Variants in ACTR3C observed in about 807,000 individuals in gnomAD.
ACTR3C encodes the protein actin related protein 3C, also known as actin-related protein 3C.
A neutral mutation model predicts 26.3 loss-of-function variants in ACTR3C; 18 were observed. That is an observed-to-expected ratio of 0.68 (90% CI 0.47 to 1.01). ACTR3C has a LOEUF of 1.01. Among genes scored for constraint, ACTR3C ranks in the 50% least tolerant of loss-of-function variants. ACTR3C has a pLI of 0.00. For synonymous variants in ACTR3C, 55 were observed against 94.5 expected, an observed-to-expected ratio of 0.58 and a Z score of 2.42; for missense variants, 184 against 250.7, an observed-to-expected ratio of 0.73 and a Z score of 1.80.
chr7:149,919,813 G>T, the ACTR3C span, among the ~76,000 whole-genome samples: 1 of 151,476 alleles, frequency 6.6e-6, no homozygotes, highest in Non-Finnish European at 1.5e-5. Flanking sequence ...GGTATACAAA[G>T]TCTGTTTTTA....
chr7:149,919,132 C>CA, the ACTR3C span, among the ~76,000 whole-genome samples: 1 of 147,790 alleles, frequency 6.8e-6, no homozygotes, highest in Non-Finnish European at 1.5e-5. Flanking sequence ...TTAAATAAAC[C>CA]AAAAAAATAA....
chr7:150,246,827 T>C (rs1478949457), downstream of ACTR3C: 2 of 152,256 alleles, frequency 1.3e-5, no homozygotes, highest in Non-Finnish European at 2.9e-5. Context: ...AGTTTCACTC[T>C]TGCTGCCCAG....
At chr7:150,204,179 G>A in the ACTR3C span, among the ~76,000 whole-genome samples, 1 of 147,234 alleles carries the variant, frequency 6.8e-6, no homozygotes, top group Non-Finnish European at 1.5e-5. Context: ...CCTGAAACGG[G>A]TGCTTTGGAG....
chr7:150,277,815 A>C (rs1835006075), intron 6 of ACTR3C, among the ~76,000 whole-genome samples: 1 of 152,138 alleles, frequency 6.6e-6, no homozygotes, highest in Non-Finnish European at 1.5e-5. Context: ...GCGTGGTTCT[A>C]CAGTGGCCTT....
chr7:149,935,637 C>T, the ACTR3C span, among the ~76,000 whole-genome samples: 3,384 of 131,886 alleles, frequency 0.026, 173 homozygotes, highest in African/African-American at 0.09. Context: ...CCTGACCTCA[C>T]GTGATCCACC....
At chr7:150,040,215 T>A in the ACTR3C span, among the ~76,000 whole-genome samples, 1,498 of 147,136 alleles carry the variant, frequency 0.01, 77 homozygotes, top group African/African-American at 0.033. Flanking sequence ...CAAGGCCCTC[T>A]AATAGGGGGG....
chr7:149,903,976 G>A, the ACTR3C span, among the ~76,000 whole-genome samples: 5 of 112,530 alleles, frequency 4.4e-5, no homozygotes, highest in Non-Finnish European at 6.5e-5. Context: ...GCTGGAGTGC[G>A]GTGACGCAAT....
At chr7:149,915,068 C>T in the ACTR3C span, among the ~76,000 whole-genome samples, 3 of 151,964 alleles carry the variant, frequency 2.0e-5, no homozygotes, top group Admixed American at 6.6e-5. Flanking sequence ...TTAGTAAAAA[C>T]GGGGTTTCAC....
At chr7:149,938,885 G>A in the ACTR3C span, among the ~76,000 whole-genome samples, 1 of 148,718 alleles carries the variant, frequency 6.7e-6, no homozygotes, top group Non-Finnish European at 1.5e-5. Flanking sequence ...ATTACAGTAG[G>A]AAAGCAATGC....
the ACTR3C span, among the ~76,000 whole-genome samples, chr7:150,131,234 G>C: frequency 6.6e-6 from 1 of 151,812 alleles, no homozygotes; most frequent in African/African-American, 2.4e-5. Context: ...CAATCTCAGG[G>C]GAAAGTCCAG....
At chr7:149,883,131 G>C in the ACTR3C span, among the ~76,000 whole-genome samples, 1 of 152,198 alleles carries the variant, frequency 6.6e-6, no homozygotes, top group Non-Finnish European at 1.5e-5. Flanking sequence ...GTCAGGTGTT[G>C]GTAGGAACAA....
chr7:149,906,702 G>T, the ACTR3C span, among the ~76,000 whole-genome samples: 1 of 132,598 alleles, frequency 7.5e-6, no homozygotes, highest in African/African-American at 2.9e-5. Flanking sequence ...AAAGTGTTAG[G>T]ATTACAGGCG....
At chr7:149,938,827 G>A in the ACTR3C span, among the ~76,000 whole-genome samples, 1 of 151,152 alleles carries the variant, frequency 6.6e-6, no homozygotes, top group Non-Finnish European at 1.5e-5. Context: ...GAGTATGGGG[G>A]AAGGTGAAAT....
chr7:149,995,596 A>G, the ACTR3C span, among the ~76,000 whole-genome samples: 1 of 152,284 alleles, frequency 6.6e-6, no homozygotes, highest in African/African-American at 2.4e-5. Context: ...AATTAAGCAC[A>G]GGATGAGGCT....
the ACTR3C span, among the ~76,000 whole-genome samples, chr7:150,220,707 G>C: frequency 1.3e-5 from 2 of 152,274 alleles, no homozygotes; most frequent in African/African-American, 4.8e-5. Context: ...CTGCGCAAGG[G>C]GTGGGGAAAC....
chr7:149,915,068 C>CG, the ACTR3C span, among the ~76,000 whole-genome samples: 1 of 151,964 alleles, frequency 6.6e-6, no homozygotes, highest in Non-Finnish European at 1.5e-5. Flanking sequence ...TTAGTAAAAA[C>CG]GGGGTTTCAC....
At chr7:149,960,332 G>T in the ACTR3C span, among the ~76,000 whole-genome samples, 1 of 152,260 alleles carries the variant, frequency 6.6e-6, no homozygotes, top group East Asian at 1.9e-4. Flanking sequence ...GTCTGAAAAT[G>T]TACTGACAAC....
the ACTR3C span, among the ~76,000 whole-genome samples, chr7:149,948,456 C>T: frequency 2.0e-3 from 309 of 151,064 alleles, no homozygotes; most frequent in Non-Finnish European, 3.3e-3. Context: ...CACGGTCACA[C>T]GTCAGAAAGC....
chr7:150,213,200 C>G, the ACTR3C span, among the ~76,000 whole-genome samples: 1 of 152,132 alleles, frequency 6.6e-6, no homozygotes, highest in Non-Finnish European at 1.5e-5. Context: ...CCCTTCTTAG[C>G]AGGACTCTGG....
Sources: gnomAD v4.1 joint callset for allele counts (sites outside exome capture counted in the v4.1 genomes callset) on GRCh38, gnomAD v4.1.1 for gene constraint, MANE v1.5 for transcripts, NCBI Gene and HGNC (gene_info 2026-07-23, HGNC 2026-07-21) for gene names.